Variants in BFSP2 observed in about 807,000 individuals in gnomAD.
The protein encoded by BFSP2 is phakinin.
Under a neutral mutation model 44.9 loss-of-function variants are expected in BFSP2, and 38 were observed. The observed-to-expected ratio is 0.85, with a 90% CI of 0.65 to 1.11. BFSP2 has a LOEUF of 1.11. BFSP2 is among the 50% of genes least tolerant of loss of function. The probability of loss-of-function intolerance (pLI) is 0.00; values close to 1 mark genes in which losing one functional copy is unlikely to be tolerated. For missense variants in BFSP2, 525 were observed against 533.0 expected, an observed-to-expected ratio of 0.99 and a Z score of 0.15; for synonymous variants, 197 against 209.9, an observed-to-expected ratio of 0.94 and a Z score of 0.53.
chr3:133,400,394 A>T lies in BFSP2; in HGVS notation c.311A>T (p.Asp104Val), dbSNP rs759975775. ...GTGCCGGCTCCAGGTTTGGAGAGGG[A>T]CCATGGTGCTGTTGAGGACCTAGGG... ...ATVPAPGLER[D>V]HGAVEDLGGC... Residue 104 changes from aspartate (D) to valine (V), a missense_variant, in exon 1 of 7, where the codon GAC (aspartate) becomes GTC (valine). Coordinates refer to ENST00000302334, the MANE Select transcript of BFSP2 (RefSeq NM_003571.4). This position sits in a 1 kb window ranked among gnomAD's most constrained non-coding sequence, Gnocchi z 4.0. 1.6e-5 allele frequency: 26 copies of T among 1,614,020 alleles called. No homozygotes were observed. The South Asian group carries it at 2.9e-4, about 18-fold the overall frequency.
chr3:133,464,899 G>A (rs1342274859), intron 4 of BFSP2, among the ~76,000 whole-genome samples: 5 of 152,046 alleles, frequency 3.3e-5, no homozygotes, highest in Admixed American at 2.6e-4. Context: ...CTCCTTCAGC[G>A]ACTCCAAAGC....
At chr3:133,413,260 C>T (rs1020061988) in intron 1 of BFSP2, among the ~76,000 whole-genome samples, 2 of 151,858 alleles carry the variant, frequency 1.3e-5, no homozygotes, top group African/African-American at 2.4e-5. Context: ...GCAGGGGAAG[C>T]CTTCAGAACT....
chr3:133,408,117 G>A (rs577937630), intron 1 of BFSP2, among the ~76,000 whole-genome samples: 11 of 151,918 alleles, frequency 7.2e-5, no homozygotes, highest in African/African-American at 2.7e-4. Flanking sequence ...ATGCAATGTA[G>A]GATACAAAAG....
chr3:133,467,897 G>T (rs2370247), intron 5 of BFSP2, among the ~76,000 whole-genome samples: 66,394 of 151,916 alleles, frequency 0.44, 15,221 homozygotes, highest in Non-Finnish European at 0.5. Flanking sequence ...CTGAGGATCT[G>T]AGGGGAGGAA....
chr3:133,427,192 T>C lies in BFSP2; in HGVS notation c.490-20125T>C, dbSNP rs1397198966. Among the ~76,000 whole-genome samples, 6 of 152,228 alleles carry C rather than the reference T, an allele frequency of 3.9e-5. No homozygotes were observed. In the East Asian group the frequency reaches 1.2e-3, roughly 29 times the overall value. ...TTCTGGGTCTCCAAGATGGTGCCCT[T>C]CTAAAGAATTTCCAAGGATCATTTT... On this transcript the variant is annotated intron_variant, in intron 1 of 6. Transcript: ENST00000302334.
chr3:133,430,763 G>C (rs1244401937), intron 1 of BFSP2, among the ~76,000 whole-genome samples: 19 of 151,974 alleles, frequency 1.3e-4, no homozygotes, highest in Admixed American at 2.0e-4. Flanking sequence ...GCGTCGCTGA[G>C]TCTTTCTAAT....
intron 1 of BFSP2, among the ~76,000 whole-genome samples, chr3:133,417,525 C>T (rs2073550585): frequency 2.9e-5 from 1 of 34,740 alleles, no homozygotes; most frequent in African/African-American, 4.2e-4. Flanking sequence ...TCCCTCGCTC[C>T]CATCTCCCCT....
At chr3:133,467,073 GT>G (rs2074117606) in intron 5 of BFSP2, 114 bp downstream of exon 5, 2 of 1,426,532 alleles carry the variant, frequency 1.4e-6, no homozygotes, top group African/African-American at 2.8e-5. Context: ...CAGCATATGA[GT>G]TTTGAGGCCT....
chr3:133,422,200 T>C (rs947867657), intron 1 of BFSP2, among the ~76,000 whole-genome samples: 2 of 151,030 alleles, frequency 1.3e-5, no homozygotes, highest in East Asian at 1.9e-4. Context: ...TCCAAGAGAA[T>C]GCTGTTCATA....
intron 1 of BFSP2, chr3:133,412,321 A>T (rs1218001616): frequency 1.3e-5 from 2 of 152,270 alleles, no homozygotes; most frequent in Non-Finnish European, 2.9e-5. Flanking sequence ...TGGTGCAGGA[A>T]TGTAAATGAA....
chr3:133,437,018 G>T (rs1243883527), intron 1 of BFSP2, among the ~76,000 whole-genome samples: 1 of 152,152 alleles, frequency 6.6e-6, no homozygotes, highest in African/African-American at 2.4e-5. Flanking sequence ...TTGGACATTT[G>T]GGTTGGTTCC....
At chr3:133,409,081 AG>A (rs1263464581) in intron 1 of BFSP2, among the ~76,000 whole-genome samples, 2 of 152,364 alleles carry the variant, frequency 1.3e-5, no homozygotes, top group East Asian at 3.9e-4. Context: ...AGTCACACGA[AG>A]AAGAACTATT....
intron 1 of BFSP2, among the ~76,000 whole-genome samples, chr3:133,437,713 C>G (rs1354692275): frequency 1.3e-5 from 2 of 152,068 alleles, no homozygotes; most frequent in Non-Finnish European, 2.9e-5. Context: ...AACATTAGAA[C>G]CATGATTCAA....
rs1348277961 is a variant in BFSP2, at chr3:133,400,363, G to C, written c.280G>C (p.Ala94Pro). The C allele has an allele frequency of 1.9e-6, 3 of 1,614,064 alleles. No individual in the cohort carries two copies. In the Admixed American group the frequency reaches 5.0e-5, roughly 27 times the overall value. ...FLQGLRSSGL[A>P]TVPAPGLERD... is the part of the protein sequence containing the mutation. Reference sequence around the variant, plus strand: ...TCAGGGCCTGCGGAGCTCAGGCCTGGCCACCGTGCCGGCTCCAGGTTTGGA... The same window carrying C: ...TCAGGGCCTGCGGAGCTCAGGCCTGCCCACCGTGCCGGCTCCAGGTTTGGA... Residue 94 changes from alanine (A) to proline (P), a missense_variant, in exon 1 of 7, where the codon GCC becomes CCC. Physicochemically the swap from Ala to Pro is conservative, Grantham distance 27. Transcript: ENST00000302334. This position sits in a 1 kb window ranked among gnomAD's most constrained non-coding sequence, Gnocchi z 4.0.
intron 1 of BFSP2, among the ~76,000 whole-genome samples, chr3:133,428,372 G>C (rs1050731033): frequency 6.6e-6 from 1 of 152,086 alleles, no homozygotes; most frequent in African/African-American, 2.4e-5. Flanking sequence ...GTCAGACAGA[G>C]CCAGTAAGTC....
At chr3:133,432,259 C>A (rs140160315) in intron 1 of BFSP2, among the ~76,000 whole-genome samples, 1 of 152,220 alleles carries the variant, frequency 6.6e-6, no homozygotes, top group Non-Finnish European at 1.5e-5. Context: ...TCAGGATCTG[C>A]GCCTTATCAA....
chr3:133,439,815 C>T (rs546761225), intron 1 of BFSP2, among the ~76,000 whole-genome samples: 72 of 152,214 alleles, frequency 4.7e-4, no homozygotes, highest in African/African-American at 1.4e-3. Context: ...AGGTTCATTC[C>T]GGAGCACAGC....
chr3:133,447,372 A>C lies in BFSP2; in HGVS notation c.545A>C (p.Gln182Pro). 1 of 1,614,006 alleles carries C rather than the reference A, an allele frequency of 6.2e-7. No individual in the cohort carries two copies. Among genetic ancestry groups the C allele is most frequent in the Non-Finnish European group, 8.5e-7 (1 of 1,179,976 alleles). The change falls in exon 2 of 7, where the codon CAG becomes CCG. Residue 182 changes from glutamine to proline, a missense_variant. By Grantham distance (76) the Gln-to-Pro change is moderately conservative. Coordinates refer to ENST00000302334, the MANE Select transcript of BFSP2 (RefSeq NM_003571.4). ...CTCATGCTGCAGACAGAAACTATCC[A>C]GGCCGGAGCAGATGACTTTAAAGAG... Reference protein sequence around the residue: ...ARLMLQTETIQAGADDFKERY... With the variant: ...ARLMLQTETIPAGADDFKERY...
At chr3:133,433,627 C>T (rs898623179) in intron 1 of BFSP2, among the ~76,000 whole-genome samples, 22 of 152,232 alleles carry the variant, frequency 1.4e-4, no homozygotes, top group Admixed American at 3.3e-4. Context: ...GCAGTCATTT[C>T]TTCCCTTCTG....
Sources: gnomAD v4.1 joint callset for allele counts (sites outside exome capture counted in the v4.1 genomes callset) on GRCh38, gnomAD v4.1.1 for gene constraint, Gnocchi (gnomAD v3.1) non-coding constraint, MANE v1.5 for transcripts, NCBI Gene and HGNC (gene_info 2026-07-23, HGNC 2026-07-21) for gene names.